Variants in NCOR1 observed in about 807,000 individuals in gnomAD.
The protein encoded by NCOR1 is nuclear receptor corepressor 1, also known as protein phosphatase 1, regulatory subunit 109.
In NCOR1, 63 loss-of-function variants were observed where a neutral mutation model predicts 288.1. That is an observed-to-expected ratio of 0.22 (90% CI 0.18 to 0.27). The LOEUF (loss-of-function observed/expected upper bound fraction) is 0.27. Ranked by LOEUF, NCOR1 falls within the 10% of genes least tolerant of loss-of-function variation. The pLI, the probability that NCOR1 is intolerant of heterozygous loss-of-function variation, is 1.00. For missense variants in NCOR1, 2,397 were observed against 3,019.2 expected (o/e 0.79, Z 4.83); for synonymous variants, 1,007 against 1,065.9 (o/e 0.94, Z 1.08).
At position 16,107,314 on chromosome 17, in the gene NCOR1, T is replaced by A. The variant is rs79123896; in HGVS notation, c.2182+1472A>T. Among the ~76,000 whole-genome samples the A allele has an allele frequency of 3.0e-4, 46 of 152,206 alleles. 1 individual carries two copies. In the East Asian group the frequency reaches 8.5e-3, roughly 28 times the overall value. On this transcript the variant is annotated intron_variant, in intron 19 of 45. Coordinates refer to ENST00000268712, the MANE Select transcript of NCOR1 (RefSeq NM_006311.4). Reference sequence around the variant, plus strand: ...TGTAACTGTATTTGAAGACGAGGCCTTTAAGGAGATGACTAAGGTTAAATG... The same window carrying A: ...TGTAACTGTATTTGAAGACGAGGCCATTAAGGAGATGACTAAGGTTAAATG...
intron 1 of NCOR1, among the ~76,000 whole-genome samples, chr17:16,202,188 C>T (rs1037365494): frequency 3.7e-4 from 53 of 144,170 alleles, no homozygotes; most frequent in Non-Finnish European, 1.0e-4. Flanking sequence ...TGCACCACTG[C>T]GTTCCAGCCT....
Position 16,051,736 on chromosome 17 carries a change from AC to A in NCOR1, c.6393-2749del, listed in dbSNP as rs1453072968. ...AGACCAGTCTGACCAACGTGGAGAA[AC>A]CCCGTCTCTACTAAAAAAATACAAA... is the stretch of plus-strand genomic sequence containing the variant. On this transcript the variant is annotated intron_variant, in intron 40 of 45. Transcript: ENST00000268712. Among the ~76,000 whole-genome samples the A allele has an allele frequency of 5.9e-5, 9 of 151,848 alleles. No individual in the cohort carries two copies. The East Asian group carries it at 1.6e-3, about 26-fold the overall frequency.
intron 10 of NCOR1, among the ~76,000 whole-genome samples, chr17:16,144,544 T>C (rs137961113): frequency 3.3e-5 from 5 of 152,318 alleles, no homozygotes; most frequent in African/African-American, 1.2e-4. Flanking sequence ...ATCACTCTGC[T>C]ATTAAACCTA....
At chr17:16,108,727 C>G (rs2153053176) in intron 19 of NCOR1, 59 bp downstream of exon 19, 2 of 1,484,846 alleles carry the variant, frequency 1.3e-6, no homozygotes, top group Non-Finnish European at 1.8e-6. Flanking sequence ...AGTCAAATGA[C>G]TAAAAATTAT....
intron 27 of NCOR1, among the ~76,000 whole-genome samples, chr17:16,074,324 G>A (rs995034642): frequency 1.3e-5 from 2 of 152,130 alleles, no homozygotes; most frequent in Admixed American, 6.5e-5. Context: ...CTGAAGGTAG[G>A]GAGATGAGTT....
At chr17:16,166,814 G>A (rs888280825) in intron 4 of NCOR1, among the ~76,000 whole-genome samples, 8 of 146,864 alleles carry the variant, frequency 5.4e-5, no homozygotes, top group South Asian at 2.1e-4. Flanking sequence ...TTCAATGCTC[G>A]AATCTTCACT....
chr17:16,178,866 A>G (rs1016845108), intron 3 of NCOR1, among the ~76,000 whole-genome samples: 3 of 152,290 alleles, frequency 2.0e-5, no homozygotes, highest in African/African-American at 7.2e-5. Flanking sequence ...GCACTTTGGG[A>G]GGCCGATGCA....
At chr17:16,126,294 T>C in intron 14 of NCOR1, 88 bp from the exon 15 acceptor site, 1 of 1,301,944 alleles carries the variant, frequency 7.7e-7, no homozygotes, top group Admixed American at 2.7e-5. Flanking sequence ...TCTAAAAAAA[T>C]TTTAAATGAT....
intron 23 of NCOR1, among the ~76,000 whole-genome samples, chr17:16,083,645 G>T (rs1406134043): frequency 6.8e-6 from 1 of 148,146 alleles, no homozygotes; most frequent in Non-Finnish European, 1.5e-5. Flanking sequence ...TCAGATGTTT[G>T]GGGGGAAACA....
chr17:16,101,887 T>C (rs1471663455), intron 19 of NCOR1, 130 bp from the exon 20 acceptor site: 1 of 1,199,924 alleles, frequency 8.3e-7, no homozygotes, highest in African/African-American at 1.5e-5. Flanking sequence ...AAAGTAGTTG[T>C]TTAGGATGAA....
At chr17:16,057,311 T>C in intron 40 of NCOR1, 1 of 579,176 alleles carries the variant, frequency 1.7e-6, no homozygotes, top group South Asian at 2.2e-5. Context: ...CTTTTGAATA[T>C]ACATTAAAAA....
At chr17:16,087,309 T>G in intron 22 of NCOR1, 1 of 1,304,256 alleles carries the variant, frequency 7.7e-7, no homozygotes, top group Non-Finnish European at 1.0e-6. Context: ...TAGAGCACGT[T>G]TGACCTCAGC....
chr17:16,209,320 T>G (rs1239173081), intron 1 of NCOR1, among the ~76,000 whole-genome samples: 6 of 151,982 alleles, frequency 3.9e-5, no homozygotes, highest in Admixed American at 3.9e-4. Flanking sequence ...AACAAAAAAT[T>G]CTTCTTAATG....
At chr17:16,091,665 T>C in intron 22 of NCOR1, 198 bp downstream of exon 22, 1 of 1,398,186 alleles carries the variant, frequency 7.2e-7, no homozygotes, top group Non-Finnish European at 9.3e-7. Flanking sequence ...ATTAAAAATG[T>C]TACTGGCATC....
At chr17:16,119,309 G>A in intron 17 of NCOR1, 114 bp downstream of exon 17, 3 of 711,714 alleles carry the variant, frequency 4.2e-6, no homozygotes, top group Non-Finnish European at 6.9e-6. Flanking sequence ...AGTCCTCTTT[G>A]CCTTTTTGAA....
chr17:16,051,750 A>G (rs1389514858), intron 40 of NCOR1, among the ~76,000 whole-genome samples: 2 of 151,894 alleles, frequency 1.3e-5, no homozygotes, highest in Admixed American at 1.3e-4. Flanking sequence ...CGTCTCTACT[A>G]AAAAAATACA....
chr17:16,132,882 T>A (rs2075853639), intron 14 of NCOR1, among the ~76,000 whole-genome samples: 1 of 150,864 alleles, frequency 6.6e-6, no homozygotes, highest in Non-Finnish European at 1.5e-5. Context: ...TTGCTTTCCT[T>A]CCTTCCTTTC....
chr17:16,197,139 G>A (rs2089992887), intron 1 of NCOR1, among the ~76,000 whole-genome samples: 1 of 152,046 alleles, frequency 6.6e-6, no homozygotes, highest in South Asian at 2.1e-4. Flanking sequence ...GGCCAGCATG[G>A]TGAAACCTGG....
intron 42 of NCOR1, chr17:16,044,998 A>AT: frequency 1.0e-4 from 48 of 469,432 alleles, no homozygotes; most frequent in Non-Finnish European, 1.3e-4. Flanking sequence ...GCTGAACTTA[A>AT]GAAAAAAAAA....
Sources: gnomAD v4.1 joint callset for allele counts (sites outside exome capture counted in the v4.1 genomes callset) on GRCh38, gnomAD v4.1.1 for gene constraint, MANE v1.5 for transcripts, NCBI Gene and HGNC (gene_info 2026-07-23, HGNC 2026-07-21) for gene names.